Variants in METTL8 observed in about 807,000 individuals in gnomAD.
METTL8 encodes tRNA N(3)-cytidine methyltransferase METTL8, mitochondrial.
Under a neutral mutation model 48.7 loss-of-function variants are expected in METTL8, and 32 were observed. The observed-to-expected ratio is 0.66, with a 90% confidence interval of 0.50 to 0.88. METTL8 has a LOEUF of 0.88. METTL8 is among the 40% of genes least tolerant of loss of function. The probability of loss-of-function intolerance (pLI) is 0.00; values close to 1 mark genes in which losing one functional copy is unlikely to be tolerated. For synonymous variants in METTL8, 136 were observed against 157.1 expected (o/e 0.87, Z 1.01); for missense variants, 464 against 474.4 (o/e 0.98, Z 0.20).
At chr2:171,388,633 C>T (rs1688298274) in intron 2 of METTL8, among the ~76,000 whole-genome samples, 2 of 152,158 alleles carry the variant, frequency 1.3e-5, no homozygotes, top group Admixed American at 1.3e-4. Flanking sequence ...TAAATACAGG[C>T]ATATCTTGTA....
chr2:171,353,933 T>C (rs1684238622), intron 3 of METTL8, among the ~76,000 whole-genome samples: 1 of 152,236 alleles, frequency 6.6e-6, no homozygotes, highest in South Asian at 2.1e-4. Flanking sequence ...TCTGTGTCTT[T>C]TAATTGGAGC....
chr2:171,357,587 G>C (rs1684722046), intron 3 of METTL8, among the ~76,000 whole-genome samples: 1 of 152,134 alleles, frequency 6.6e-6, no homozygotes, highest in African/African-American at 2.4e-5. Context: ...AATTAATATT[G>C]TTAAAATGAC....
At chr2:171,389,422 A>G (rs1346641275) in intron 2 of METTL8, among the ~76,000 whole-genome samples, 1 of 146,894 alleles carries the variant, frequency 6.8e-6, no homozygotes, top group African/African-American at 2.5e-5. Flanking sequence ...TGGGAGGCTG[A>G]GGCCAGAGAA....
At chr2:171,359,261 C>T (rs927952561) in intron 3 of METTL8, among the ~76,000 whole-genome samples, 1 of 151,716 alleles carries the variant, frequency 6.6e-6, no homozygotes, top group Non-Finnish European at 1.5e-5. Flanking sequence ...CGAAAAAATG[C>T]TCAATATCAC....
At chr2:171,379,719 G>C (rs1420036713) in intron 2 of METTL8, among the ~76,000 whole-genome samples, 1 of 152,128 alleles carries the variant, frequency 6.6e-6, no homozygotes, top group Non-Finnish European at 1.5e-5. Flanking sequence ...TTCAATCCTT[G>C]AATAGACCAA....
intron 2 of METTL8, among the ~76,000 whole-genome samples, chr2:171,380,605 T>C (rs745388497): frequency 2.4e-4 from 36 of 151,802 alleles, no homozygotes; most frequent in Non-Finnish European, 3.8e-4. Context: ...ACACCAACAA[T>C]AGACGAGCAG....
intron 2 of METTL8, among the ~76,000 whole-genome samples, chr2:171,381,162 G>A (rs1406574275): frequency 6.6e-6 from 1 of 152,154 alleles, no homozygotes; most frequent in African/African-American, 2.4e-5. Context: ...ATGGGGAAAG[G>A]ATTCCCTATA....
Position 171,341,552 on chromosome 2 carries a change from T to TC in METTL8, c.236-1999dup, listed in dbSNP as rs1225121272. The stretch of plus-strand genomic sequence containing the variant: ...CTGCGCCTGGCACGTTCCTTTTTTT[T>TC]CCCTTTTTTTTTTTCCGTGTTCTTG... On this transcript the variant is annotated intron_variant, in intron 3 of 9. Transcript: ENST00000375258. Among the ~76,000 whole-genome samples, 389 of 150,488 alleles carry TC rather than the reference T, an allele frequency of 2.6e-3. 1 individual carries two copies. The highest frequency in any genetic ancestry group is 8.6e-3 in the African/African-American group (349 of 40,532).
intron 2 of METTL8, among the ~76,000 whole-genome samples, chr2:171,366,920 A>G (rs766090115): frequency 2.6e-5 from 4 of 151,320 alleles, no homozygotes; most frequent in Non-Finnish European, 5.9e-5. Flanking sequence ...TGGGAGGGTT[A>G]ACAGCTGACA....
intron 3 of METTL8, among the ~76,000 whole-genome samples, chr2:171,354,945 G>A (rs544115196): frequency 3.6e-4 from 54 of 152,060 alleles, no homozygotes; most frequent in Admixed American, 1.8e-3. Flanking sequence ...ATTACCGATC[G>A]TCTGAAGCCT....
chr2:171,399,969 T>C (rs2105589379), intron 1 of METTL8, among the ~76,000 whole-genome samples: 1 of 152,060 alleles, frequency 6.6e-6, no homozygotes, highest in South Asian at 2.1e-4. Flanking sequence ...AGAGACCTCA[T>C]CTCAAAATAA....
At chr2:171,416,269 C>G (rs992590240) in intron 1 of METTL8, among the ~76,000 whole-genome samples, 3 of 151,882 alleles carry the variant, frequency 2.0e-5, no homozygotes, top group African/African-American at 7.3e-5. Context: ...CTCTGCTGGT[C>G]ATCTCTACAC....
chr2:171,423,674 G>C (rs1045497799), intron 1 of METTL8, among the ~76,000 whole-genome samples: 1 of 152,212 alleles, frequency 6.6e-6, no homozygotes, highest in African/African-American at 2.4e-5. Context: ...GAACTTGAGA[G>C]AGATGATTTA....
At chr2:171,340,964 A>G (rs1292709596) in intron 3 of METTL8, among the ~76,000 whole-genome samples, 1 of 152,234 alleles carries the variant, frequency 6.6e-6, no homozygotes, top group African/African-American at 2.4e-5. Flanking sequence ...TCCTGTGGTC[A>G]GGGTTAGGTC....
chr2:171,374,244 CT>C (rs2105510269), intron 2 of METTL8, among the ~76,000 whole-genome samples: 1 of 152,208 alleles, frequency 6.6e-6, no homozygotes, highest in African/African-American at 2.4e-5. Flanking sequence ...TGATTTGGCT[CT>C]CTGTTTGTCT....
At chr2:171,357,440 A>G (rs1352242485) in intron 3 of METTL8, among the ~76,000 whole-genome samples, 1 of 152,250 alleles carries the variant, frequency 6.6e-6, no homozygotes, top group East Asian at 1.9e-4. Flanking sequence ...CAATAGCTAC[A>G]AAGAATATAA....
intron 2 of METTL8, among the ~76,000 whole-genome samples, chr2:171,367,520 A>C (rs1279580362): frequency 6.6e-6 from 1 of 152,216 alleles, no homozygotes; most frequent in African/African-American, 2.4e-5. Context: ...GCACTACAAG[A>C]AATGTTAAAG....
rs1692912433 is a variant in METTL8 at position 171,430,600 on chromosome 2, G to C, written c.-13+3283C>G. On this transcript the variant is annotated intron_variant, in intron 1 of 9. Coordinates refer to ENST00000375258, the MANE Select transcript of METTL8 (RefSeq NM_001321154.2). ...TCGGAGCTGCTGAAAGAATGCAACA[G>C]GCAAGTGACAGCTTGTGCTTTAGGA... 2.0e-5 allele frequency among the ~76,000 whole-genome samples: 3 copies of C among 152,130 alleles called. No homozygotes were observed. The East Asian group carries it at 5.8e-4, about 29-fold the overall frequency.
chr2:171,326,188 A>C (rs759579910), intron 7 of METTL8, 40 bp from the exon 8 acceptor site: 1 of 1,133,656 alleles, frequency 8.8e-7, no homozygotes, highest in African/African-American at 1.6e-5. Flanking sequence ...CAGTTTGTAG[A>C]AATCTTGTTT....
Sources: gnomAD v4.1 joint callset for allele counts (sites outside exome capture counted in the v4.1 genomes callset) on GRCh38, gnomAD v4.1.1 for gene constraint, MANE v1.5 for transcripts, NCBI Gene and HGNC (gene_info 2026-07-23, HGNC 2026-07-21) for gene names.